The following RNLS variants were observed in gnomAD, a reference collection of about 807,000 sequenced individuals.
RNLS encodes the protein renalase, FAD dependent amine oxidase.
Under a neutral mutation model 39.8 loss-of-function variants are expected in RNLS, and 39 were observed. That is an observed-to-expected ratio of 0.98 (90% CI 0.76 to 1.28). The LOEUF (loss-of-function observed/expected upper bound fraction) is 1.28, where lower values mean the gene tolerates loss of function less well. Ranked by LOEUF, RNLS falls within the 50% of genes most tolerant of loss-of-function variation. The pLI is 0.00. For synonymous variants in RNLS, 147 were observed against 150.7 expected, an observed-to-expected ratio of 0.98 and a Z score of 0.18; for missense variants, 410 against 413.3, an observed-to-expected ratio of 0.99 and a Z score of 0.07.
chr10:88,326,165 AC>A (rs1182459757), intron 5 of RNLS, among the ~76,000 whole-genome samples: 5 of 152,204 alleles, frequency 3.3e-5, no homozygotes, highest in Admixed American at 6.5e-5. Context: ...GGGTATTGAT[AC>A]AAAAATACCT....
At chr10:88,392,922 C>T (rs1212578218) in intron 4 of RNLS, among the ~76,000 whole-genome samples, 1 of 152,022 alleles carries the variant, frequency 6.6e-6, no homozygotes, top group Non-Finnish European at 1.5e-5. Context: ...ATAAACAGAA[C>T]CAAAGACAAA....
downstream of RNLS, among the ~76,000 whole-genome samples, chr10:88,271,453 G>C (rs1842647673): frequency 6.6e-6 from 1 of 152,182 alleles, no homozygotes; most frequent in African/African-American, 2.4e-5. Flanking sequence ...TTTCAACACT[G>C]TTTATGACTC....
At chr10:88,344,909 A>G (rs1848206562) in intron 5 of RNLS, among the ~76,000 whole-genome samples, 1 of 152,154 alleles carries the variant, frequency 6.6e-6, no homozygotes, top group Admixed American at 6.5e-5. Context: ...CTTAATATTC[A>G]TTCATATTAT....
intron 3 of RNLS, among the ~76,000 whole-genome samples, chr10:88,574,015 C>T (rs1039280782): frequency 6.6e-6 from 1 of 152,052 alleles, no homozygotes; most frequent in Non-Finnish European, 1.5e-5. Context: ...GTAGTGCATG[C>T]CTGCAATCCC....
chr10:88,338,375 A>C (rs1358503410), intron 5 of RNLS, among the ~76,000 whole-genome samples: 1 of 152,240 alleles, frequency 6.6e-6, no homozygotes, highest in Non-Finnish European at 1.5e-5. Context: ...TGCATTATTT[A>C]AGAAAGCTTT....
intron 4 of RNLS, among the ~76,000 whole-genome samples, chr10:88,561,626 G>A (rs1469995785): frequency 6.6e-6 from 1 of 151,958 alleles, no homozygotes; most frequent in Non-Finnish European, 1.5e-5. Flanking sequence ...ATACTTATAT[G>A]ACTTTAGAGT....
chr10:88,396,722 G>C (rs1852580124), intron 4 of RNLS, among the ~76,000 whole-genome samples: 3 of 147,556 alleles, frequency 2.0e-5, no homozygotes, highest in Non-Finnish European at 3.0e-5. Flanking sequence ...AAAAAAACCT[G>C]ATCCAACTCT....
At chr10:88,174,502 A>G in the RNLS span, among the ~76,000 whole-genome samples, 1 of 152,158 alleles carries the variant, frequency 6.6e-6, no homozygotes, top group Non-Finnish European at 1.5e-5. Flanking sequence ...CTTTTTCGGC[A>G]TCTATTGAGA....
chr10:88,302,785 G>A (rs1042821415), intron 6 of RNLS, among the ~76,000 whole-genome samples: 3 of 152,144 alleles, frequency 2.0e-5, no homozygotes, highest in Non-Finnish European at 4.4e-5. Context: ...TACAAGTTTG[G>A]TATATACATG....
chr10:88,284,096 C>T (rs1438920397), downstream of RNLS: 1 of 967,936 alleles, frequency 1.0e-6, no homozygotes, highest in Non-Finnish European at 1.2e-6. Flanking sequence ...TGACATTAAC[C>T]ACATGTTGGC....
chr10:88,440,031 G>C (rs1841623726), intron 4 of RNLS, among the ~76,000 whole-genome samples: 1 of 152,102 alleles, frequency 6.6e-6, no homozygotes, highest in Non-Finnish European at 1.5e-5. Context: ...ACTCCCACTA[G>C]ATTATAAATT....
chr10:88,313,995 AGC>A (rs1384756981), intron 6 of RNLS, among the ~76,000 whole-genome samples: 1 of 152,234 alleles, frequency 6.6e-6, no homozygotes, highest in African/African-American at 2.4e-5. Context: ...TCCCCCAGAG[AGC>A]TCAGCTGGCA....
At chr10:88,347,355 C>G (rs1302424483) in intron 5 of RNLS, among the ~76,000 whole-genome samples, 2 of 152,108 alleles carry the variant, frequency 1.3e-5, no homozygotes, top group Non-Finnish European at 2.9e-5. Context: ...TTTCCAGGTT[C>G]CCTCTCTGAA....
intron 6 of RNLS, among the ~76,000 whole-genome samples, chr10:88,311,867 C>T (rs1253910817): frequency 6.6e-6 from 1 of 152,162 alleles, no homozygotes; most frequent in African/African-American, 2.4e-5. Flanking sequence ...GAGAGCAACA[C>T]CAGGGAAATC....
intron 5 of RNLS, among the ~76,000 whole-genome samples, chr10:88,344,630 G>C (rs1848188401): frequency 6.6e-6 from 1 of 152,046 alleles, no homozygotes; most frequent in Admixed American, 6.6e-5. Context: ...ATAAAAAAGA[G>C]TGAATTAGGT....
intron 5 of RNLS, among the ~76,000 whole-genome samples, chr10:88,356,174 C>T (rs792229): frequency 0.82 from 124,271 of 152,134 alleles, 50,875 homozygotes; most frequent in African/African-American, 0.86. Context: ...CCACGTGAGG[C>T]GATGCCTCTC....
chr10:88,252,944 A>G, the RNLS span, among the ~76,000 whole-genome samples: 3 of 152,230 alleles, frequency 2.0e-5, no homozygotes, highest in Non-Finnish European at 2.9e-5. Flanking sequence ...AAGGTTTTCA[A>G]TTAAGGCAAT....
At chr10:88,309,874 C>G (rs112793204) in intron 6 of RNLS, among the ~76,000 whole-genome samples, 190 of 152,208 alleles carry the variant, frequency 1.2e-3, no homozygotes, top group African/African-American at 4.1e-3. Context: ...TTTGGAAATT[C>G]TTTAAAGTTC....
intron 4 of RNLS, among the ~76,000 whole-genome samples, chr10:88,367,966 G>A (rs893930469): frequency 6.6e-6 from 1 of 151,924 alleles, no homozygotes; most frequent in Non-Finnish European, 1.5e-5. Context: ...CCTCTTAATA[G>A]TATGATTTGA....
Sources: gnomAD v4.1 joint callset for allele counts (sites outside exome capture counted in the v4.1 genomes callset) on GRCh38, gnomAD v4.1.1 for gene constraint, MANE v1.5 for transcripts, NCBI Gene and HGNC (gene_info 2026-07-23, HGNC 2026-07-21) for gene names.